Variants in CNST observed in about 807,000 individuals in gnomAD.
CNST encodes consortin.
Under a neutral mutation model 72.4 loss-of-function variants are expected in CNST, and 39 were observed. The ratio of observed to expected loss-of-function variants is 0.54; its 90% CI spans 0.42 to 0.70. CNST has a LOEUF of 0.70. Among genes scored for constraint, CNST ranks in the 30% least tolerant of loss-of-function variants. The pLI is 0.00. For missense variants in CNST, 871 were observed against 868.5 expected (o/e 1.00, Z -0.04); for synonymous variants, 332 against 320.1 (o/e 1.04, Z -0.40).
intron 1 of CNST, among the ~76,000 whole-genome samples, chr1:246,590,435 T>G (rs1283898562): frequency 6.6e-6 from 1 of 152,148 alleles, no homozygotes; most frequent in Non-Finnish European, 1.5e-5. Context: ...TTTCCAACTT[T>G]TTGCTTTCTC....
At chr1:246,659,421 C>A (rs6686823) in intron 9 of CNST, among the ~76,000 whole-genome samples, 1 of 151,916 alleles carries the variant, frequency 6.6e-6, no homozygotes, top group East Asian at 1.9e-4. Context: ...GGTGAAACCC[C>A]GTCTCTACTG....
At chr1:246,628,267 T>C (rs1056900776) in intron 3 of CNST, among the ~76,000 whole-genome samples, 1 of 152,166 alleles carries the variant, frequency 6.6e-6, no homozygotes, top group Non-Finnish European at 1.5e-5. Flanking sequence ...ATCAATACTT[T>C]GTATCCTTCA....
chr1:246,613,081 C>T (rs1235716252), intron 2 of CNST, among the ~76,000 whole-genome samples: 1 of 152,078 alleles, frequency 6.6e-6, no homozygotes, highest in Non-Finnish European at 1.5e-5. Context: ...CAATTAGCTC[C>T]AATTTATAGA....
At chr1:246,623,583 C>A (rs957827261) in intron 3 of CNST, among the ~76,000 whole-genome samples, 2 of 152,084 alleles carry the variant, frequency 1.3e-5, no homozygotes, top group African/African-American at 4.8e-5. Flanking sequence ...GAAACCTCAT[C>A]TCTTCTAAAA....
At chr1:246,570,099 G>A (rs960475187) in intron 1 of CNST, 1 of 161,354 alleles carries the variant, frequency 6.2e-6, no homozygotes, top group African/African-American at 2.4e-5. Flanking sequence ...TAGGTTTTAT[G>A]GCTGTAGAAT....
intron 3 of CNST, among the ~76,000 whole-genome samples, chr1:246,622,217 C>G (rs1405506025): frequency 6.6e-6 from 1 of 152,162 alleles, no homozygotes; most frequent in Non-Finnish European, 1.5e-5. Flanking sequence ...TGATAAGCAT[C>G]TACCAGGCAC....
At chr1:246,630,504 C>T (rs757404014) in intron 3 of CNST, among the ~76,000 whole-genome samples, 2 of 152,082 alleles carry the variant, frequency 1.3e-5, no homozygotes, top group African/African-American at 2.4e-5. Flanking sequence ...CTACATGGCT[C>T]ATGGAAAAAA....
intron 2 of CNST, among the ~76,000 whole-genome samples, chr1:246,614,088 C>G (rs565439138): frequency 5.3e-4 from 81 of 152,126 alleles, no homozygotes; most frequent in African/African-American, 1.8e-3. Context: ...CATCCCTTAT[C>G]CAAAATGCTT....
chr1:246,666,140 T>C lies in CNST; in HGVS notation c.*235T>C, dbSNP rs1307506450. 1 of 494,412 alleles carries C rather than the reference T, an allele frequency of 2.0e-6. No individual in the cohort carries two copies. The highest frequency in any genetic ancestry group is 3.6e-6 in the Non-Finnish European group (1 of 275,162). 30.6% of individuals were successfully genotyped at this position (494,412 alleles called of 1,614,324 possible). On this transcript the variant is annotated 3_prime_UTR_variant, in exon 11 of 11. Coordinates refer to ENST00000366513, the MANE Select transcript of CNST (RefSeq NM_152609.3). ...GAAGGAATGGTCTTTGGAGAGAGCA[T>C]ATCCATCTCCTCCTCACTGCCTCCT...
chr1:246,652,787 G>A (rs6671666), intron 9 of CNST, among the ~76,000 whole-genome samples: 32,266 of 148,746 alleles, frequency 0.22, 3,641 homozygotes, highest in African/African-American at 0.32. Context: ...GGCGGATCAC[G>A]AGGTCAGGAG....
At chr1:246,615,392 G>A (rs968779462) in intron 2 of CNST, among the ~76,000 whole-genome samples, 1 of 151,766 alleles carries the variant, frequency 6.6e-6, no homozygotes, top group Non-Finnish European at 1.5e-5. Flanking sequence ...AGCCAGGATG[G>A]TCTCGATCTC....
intron 2 of CNST, among the ~76,000 whole-genome samples, chr1:246,620,708 C>T (rs916575538): frequency 1.6e-5 from 2 of 128,626 alleles, no homozygotes; most frequent in Admixed American, 8.2e-5. Flanking sequence ...CGGCTTCAGT[C>T]GTGGTGCATA....
At chr1:246,633,869 T>C in intron 4 of CNST, 55 bp from the exon 5 acceptor site, 1 of 1,194,814 alleles carries the variant, frequency 8.4e-7, no homozygotes, top group South Asian at 1.2e-5. Flanking sequence ...GTTCTTCAAA[T>C]ATGGGAATAA....
At chr1:246,616,577 T>C (rs1294316861) in intron 2 of CNST, among the ~76,000 whole-genome samples, 1 of 151,606 alleles carries the variant, frequency 6.6e-6, no homozygotes, top group African/African-American at 2.4e-5. Flanking sequence ...CTTTTTTGAG[T>C]TGGAGTCTCA....
At chr1:246,662,339 A>G (rs1019583917) in intron 10 of CNST, among the ~76,000 whole-genome samples, 2 of 152,186 alleles carry the variant, frequency 1.3e-5, no homozygotes, top group African/African-American at 4.8e-5. Flanking sequence ...TCAGCTTTGT[A>G]GTAGCCATGT....
chr1:246,621,781 GCTCAGGAGTT>G, intron 3 of CNST, 147 bp downstream of exon 3: 4 of 705,458 alleles, frequency 5.7e-6, no homozygotes, highest in Middle Eastern at 3.6e-4. Context: ...GATGGCTTGA[GCTCAGGAGTT>G]CAAGACCAGC....
At chr1:246,600,743 T>G (rs1451303637) in intron 2 of CNST, among the ~76,000 whole-genome samples, 2 of 152,122 alleles carry the variant, frequency 1.3e-5, no homozygotes, top group Non-Finnish European at 2.9e-5. Flanking sequence ...TTGGGTCAGG[T>G]GTCTGGGGTG....
chr1:246,590,616 G>A (rs1482295678), intron 1 of CNST, among the ~76,000 whole-genome samples: 2 of 145,146 alleles, frequency 1.4e-5, no homozygotes, highest in East Asian at 2.0e-4. Context: ...TACTCATTAA[G>A]TTGAAGAATC....
intron 1 of CNST, among the ~76,000 whole-genome samples, chr1:246,569,240 T>G (rs1256540417): frequency 2.0e-5 from 3 of 152,144 alleles, no homozygotes; most frequent in Admixed American, 2.0e-4. Flanking sequence ...TTATTTAATC[T>G]TATATATGTT....
Sources: allele counts gnomAD v4.1 joint callset (sites outside exome capture counted in the v4.1 genomes callset), GRCh38; gene constraint gnomAD v4.1.1; transcripts MANE v1.5; gene names NCBI Gene and HGNC (gene_info 2026-07-23, HGNC 2026-07-21).